The following CEP112 variants were observed in gnomAD, a reference collection of about 807,000 sequenced individuals.
The protein encoded by CEP112 is centrosomal protein 112.
A neutral mutation model predicts 153.0 loss-of-function variants in CEP112; 127 were observed. The observed-to-expected ratio is 0.83, with a 90% confidence interval of 0.72 to 0.96. The LOEUF (loss-of-function observed/expected upper bound fraction) is 0.96. CEP112 is among the 40% of genes least tolerant of loss of function. The pLI is 0.00. For missense variants in CEP112, 1,089 were observed against 1,101.2 expected (o/e 0.99, Z 0.16); for synonymous variants, 358 against 374.4 (o/e 0.96, Z 0.51).
intron 23 of CEP112, among the ~76,000 whole-genome samples, chr17:65,708,007 ATCTAAGGCTT>A: frequency 6.6e-6 from 1 of 152,310 alleles, no homozygotes; most frequent in African/African-American, 2.4e-5. Context: ...TTAACCTTTC[ATCTAAGGCTT>A]TCCTTTGCTA....
At position 65,723,340 on chromosome 17, in the gene CEP112, A is replaced by C. The variant is rs146121410; in HGVS notation, c.2607+19728T>G. ...AGCTTGGAAAATAGAGAGGAAAGTA[A>C]ATATATCTCTCCAAAGAACATCAAT... On this transcript the variant is annotated intron_variant, in intron 23 of 26. Transcript: ENST00000535342. 8.1e-3 allele frequency among the ~76,000 whole-genome samples: 1,237 copies of C among 152,352 alleles called. 7 individuals carry two copies. Among genetic ancestry groups the C allele is most frequent in the Non-Finnish European group, 0.013 (905 of 68,038 alleles).
chr17:65,707,158 C>A (rs1268471931), intron 23 of CEP112, among the ~76,000 whole-genome samples: 2 of 152,176 alleles, frequency 1.3e-5, no homozygotes, highest in African/African-American at 2.4e-5. Flanking sequence ...CATACAGCAG[C>A]CACTTACTTT....
At chr17:65,981,381 T>C (rs567812699) in intron 17 of CEP112, among the ~76,000 whole-genome samples, 3 of 152,196 alleles carry the variant, frequency 2.0e-5, no homozygotes, top group Admixed American at 1.3e-4. Flanking sequence ...GCATATTCGA[T>C]AGCTAATAGC....
chr17:65,975,159 G>A (rs1471116176), intron 17 of CEP112, among the ~76,000 whole-genome samples: 1 of 152,146 alleles, frequency 6.6e-6, no homozygotes, highest in African/African-American at 2.4e-5. Flanking sequence ...TTAGACTCTA[G>A]TTACAGGTTT....
chr17:66,112,710 G>A (rs1410904056), intron 6 of CEP112, among the ~76,000 whole-genome samples: 1 of 152,142 alleles, frequency 6.6e-6, no homozygotes, highest in Non-Finnish European at 1.5e-5. Flanking sequence ...TTGGGAGGCC[G>A]AGGCAGGTGG....
chr17:65,657,148 G>A (rs1173714899), intron 24 of CEP112, among the ~76,000 whole-genome samples: 1 of 152,144 alleles, frequency 6.6e-6, no homozygotes, highest in Non-Finnish European at 1.5e-5. Flanking sequence ...TGCTTCTCCA[G>A]TTTACTCACT....
At chr17:65,999,115 T>C (rs191211171) in intron 17 of CEP112, among the ~76,000 whole-genome samples, 613 of 152,262 alleles carry the variant, frequency 4.0e-3, no homozygotes, top group South Asian at 9.3e-3. Flanking sequence ...TCATTTCTTA[T>C]AATACTTTCA....
chr17:66,084,805 C>A (rs577496696), intron 8 of CEP112, among the ~76,000 whole-genome samples: 1 of 152,124 alleles, frequency 6.6e-6, no homozygotes, highest in East Asian at 1.9e-4. Flanking sequence ...TTTAAAACAA[C>A]TAAATGAGTA....
chr17:65,948,196 G>A (rs1599111785), intron 18 of CEP112, among the ~76,000 whole-genome samples: 1 of 152,130 alleles, frequency 6.6e-6, no homozygotes, highest in Admixed American at 6.6e-5. Context: ...AACCTCACTC[G>A]TCAACACCAG....
At chr17:65,755,510 TC>T (rs897546403) in intron 21 of CEP112, among the ~76,000 whole-genome samples, 5 of 151,834 alleles carry the variant, frequency 3.3e-5, no homozygotes, top group Admixed American at 6.6e-5. Context: ...GAGAAATATA[TC>T]CTTTGACATA....
chr17:65,991,429 GA>G (rs2063590881), intron 17 of CEP112, among the ~76,000 whole-genome samples: 2 of 151,910 alleles, frequency 1.3e-5, no homozygotes, highest in African/African-American at 4.8e-5. Flanking sequence ...AGTAGCAATA[GA>G]AAAAATATAT....
intron 16 of CEP112, among the ~76,000 whole-genome samples, chr17:66,020,157 A>C (rs1051647770): frequency 5.9e-5 from 9 of 152,184 alleles, no homozygotes; most frequent in Non-Finnish European, 1.0e-4. Context: ...GCTCTTCCTT[A>C]ATGGATGGAC....
chr17:65,758,727 A>C (rs968758319), intron 21 of CEP112, among the ~76,000 whole-genome samples: 9 of 152,206 alleles, frequency 5.9e-5, no homozygotes, highest in African/African-American at 2.2e-4. Flanking sequence ...TTCTGAATAA[A>C]ATAGTTGTTT....
intron 21 of CEP112, chr17:65,804,392 C>A (rs2055465510): frequency 6.6e-6 from 1 of 152,144 alleles, no homozygotes; most frequent in Non-Finnish European, 1.5e-5. Flanking sequence ...TAATTACTCA[C>A]TCAACACGTA....
chr17:65,973,733 G>C (rs1435443057), intron 17 of CEP112, among the ~76,000 whole-genome samples: 2 of 152,170 alleles, frequency 1.3e-5, no homozygotes, highest in Non-Finnish European at 2.9e-5. Context: ...GAGGTGGAAA[G>C]GGGTAGACCA....
At chr17:66,037,159 A>G (rs1598188264) in intron 12 of CEP112, among the ~76,000 whole-genome samples, 1 of 152,320 alleles carries the variant, frequency 6.6e-6, no homozygotes, top group South Asian at 2.1e-4. Flanking sequence ...TGTCTCCTAA[A>G]TATGTGTGGA....
chr17:65,937,531 C>T (rs2061362578), intron 18 of CEP112, among the ~76,000 whole-genome samples: 3 of 137,852 alleles, frequency 2.2e-5, no homozygotes, highest in Non-Finnish European at 3.2e-5. Flanking sequence ...TGAGGAGCCC[C>T]TCTGCCCGGC....
chr17:65,836,786 C>A (rs966111656), intron 21 of CEP112, among the ~76,000 whole-genome samples: 2 of 152,054 alleles, frequency 1.3e-5, no homozygotes, highest in African/African-American at 4.8e-5. Flanking sequence ...ATAGACCTAA[C>A]AAGACATTTG....
intron 21 of CEP112, among the ~76,000 whole-genome samples, chr17:65,802,876 C>T (rs921421672): frequency 2.6e-5 from 4 of 152,300 alleles, no homozygotes; most frequent in Middle Eastern, 3.4e-3. Flanking sequence ...TATATAGTGT[C>T]GATGCTCCAT....
Sources: allele counts gnomAD v4.1 joint callset (sites outside exome capture counted in the v4.1 genomes callset), GRCh38; gene constraint gnomAD v4.1.1; transcripts MANE v1.5; gene names NCBI Gene and HGNC (gene_info 2026-07-23, HGNC 2026-07-21).